The following EPHA6 variants were observed in gnomAD, a reference collection of about 807,000 sequenced individuals.
EPHA6 encodes ephrin type-A receptor 6.
In EPHA6, 50 loss-of-function variants were observed where a neutral mutation model predicts 112.0. The ratio of observed to expected loss-of-function variants is 0.45; its 90% CI spans 0.36 to 0.56. The LOEUF is 0.56. Among genes scored for constraint, EPHA6 ranks in the 20% least tolerant of loss-of-function variants. EPHA6 has a pLI of 0.00. For synonymous variants in EPHA6, 529 were observed against 490.7 expected (o/e 1.08, Z -1.03); for missense variants, 1,280 against 1,417.4 (o/e 0.90, Z 1.56).
At chr3:97,355,093 A>C (rs75510706) in intron 5 of EPHA6, among the ~76,000 whole-genome samples, 1 of 152,194 alleles carries the variant, frequency 6.6e-6, no homozygotes, top group Admixed American at 6.5e-5. Context: ...TCAGCACCAG[A>C]ACTGTCCTAC....
At chr3:97,028,871 T>A (rs1240279946) in intron 3 of EPHA6, among the ~76,000 whole-genome samples, 4 of 151,990 alleles carry the variant, frequency 2.6e-5, no homozygotes, top group Admixed American at 2.6e-4. Flanking sequence ...ATCTGTTAAA[T>A]GTTTTTAAGT....
chr3:96,910,115 C>T (rs2039141342), intron 2 of EPHA6, among the ~76,000 whole-genome samples: 1 of 151,942 alleles, frequency 6.6e-6, no homozygotes, highest in Non-Finnish European at 1.5e-5. Flanking sequence ...CATAAATGTA[C>T]TAGGTGTGCC....
chr3:97,515,827 C>T lies in EPHA6; in HGVS notation c.2201-16531C>T, dbSNP rs2092439339. ...TAGTGGAAAAGAATAAAAACTTGTT[C>T]AAAAGGAAAAATAAGCTATCTAATG... On this transcript the variant is annotated intron_variant, in intron 10 of 17. Transcript: ENST00000389672. 2.7e-5 allele frequency among the ~76,000 whole-genome samples: 4 copies of T among 150,600 alleles called. No homozygotes were observed. In the South Asian group the frequency reaches 8.4e-4, roughly 32 times the overall value.
chr3:97,543,313 G>T (rs1034990704), intron 11 of EPHA6, among the ~76,000 whole-genome samples: 1 of 152,222 alleles, frequency 6.6e-6, no homozygotes, highest in East Asian at 1.9e-4. Context: ...TTCTACATAT[G>T]GCTAGCCAGT....
Position 97,590,100 on chromosome 3 carries a change from G to A in EPHA6, c.2387-2512G>A, listed in dbSNP as rs2093529169. ...TACTTTAGTGTTTCATGCAATCTCTGTTGATATAACTGACCTTAAGGAGAA... is the reference window on the plus strand; with the variant it reads ...TACTTTAGTGTTTCATGCAATCTCTATTGATATAACTGACCTTAAGGAGAA... On this transcript the variant is annotated intron_variant, in intron 11 of 17. Transcript: ENST00000389672. 1.3e-5 allele frequency: 2 copies of A among 152,104 alleles called. 1 individual carries two copies. The highest frequency in any genetic ancestry group is 4.1e-4 in the South Asian group (2 of 4,826). 9.4% of individuals were successfully genotyped at this position (152,104 alleles called of 1,614,324 possible).
chr3:97,518,961 G>T (rs1267484909), intron 10 of EPHA6, among the ~76,000 whole-genome samples: 1 of 152,122 alleles, frequency 6.6e-6, no homozygotes, highest in East Asian at 1.9e-4. Context: ...TCTTCACTCT[G>T]TTGATTGTTT....
At position 97,226,259 on chromosome 3, in the gene EPHA6, T is replaced by C; in HGVS notation, c.1115-5T>C. ...CTAAAAAAGTGTTTTTTTCTCTTTT[T>C]ACAGCTTGCAGACCAGGATTCTATA... On this transcript the variant is annotated splice_region_variant and splice_polypyrimidine_tract_variant and intron_variant, in intron 3 of 17. Coordinates refer to ENST00000389672, the MANE Select transcript of EPHA6 (RefSeq NM_001080448.3). 4.4e-6 allele frequency: 7 copies of C among 1,590,672 alleles called. No homozygotes were observed. The highest frequency in any genetic ancestry group is 6.0e-6 in the Non-Finnish European group (7 of 1,171,006).
chr3:97,392,840 A>G (rs1180503583), intron 5 of EPHA6, among the ~76,000 whole-genome samples: 3 of 150,568 alleles, frequency 2.0e-5, no homozygotes, highest in Non-Finnish European at 4.4e-5. Context: ...TTTTTTCTGT[A>G]CTTGGAACAT....
chr3:96,881,951 G>A (rs1211913935), intron 2 of EPHA6, among the ~76,000 whole-genome samples: 2 of 152,184 alleles, frequency 1.3e-5, no homozygotes, highest in Non-Finnish European at 2.9e-5. Context: ...TGTAAGAGGT[G>A]GGTTCCTGTG....
intron 14 of EPHA6, among the ~76,000 whole-genome samples, chr3:97,714,976 A>G (rs916451502): frequency 2.6e-5 from 4 of 152,246 alleles, no homozygotes; most frequent in African/African-American, 9.6e-5. Context: ...GAAAAAGTCA[A>G]ACCTTGGTTT....
intron 1 of EPHA6, among the ~76,000 whole-genome samples, chr3:96,854,674 A>G (rs2035592960): frequency 6.6e-6 from 1 of 152,116 alleles, no homozygotes; most frequent in Admixed American, 6.6e-5. Context: ...TGTAAATGAG[A>G]AGAAGAAATT....
intron 13 of EPHA6, among the ~76,000 whole-genome samples, chr3:97,614,745 C>G (rs1412900604): frequency 6.6e-6 from 1 of 151,800 alleles, no homozygotes; most frequent in African/African-American, 2.4e-5. Context: ...ATAAAGAAAG[C>G]AAGAAGGATT....
chr3:97,497,177 A>G (rs2092002460), intron 10 of EPHA6, among the ~76,000 whole-genome samples: 1 of 152,162 alleles, frequency 6.6e-6, no homozygotes, highest in South Asian at 2.1e-4. Flanking sequence ...GCCAATCATG[A>G]TCTGTTCTGG....
chr3:97,034,153 T>G (rs554413220), intron 3 of EPHA6, among the ~76,000 whole-genome samples: 5 of 152,054 alleles, frequency 3.3e-5, no homozygotes, highest in Non-Finnish European at 7.4e-5. Flanking sequence ...CTTGACAAGG[T>G]TGTATTTAAG....
At chr3:96,856,843 G>T (rs1183955768) in intron 1 of EPHA6, among the ~76,000 whole-genome samples, 1 of 152,050 alleles carries the variant, frequency 6.6e-6, no homozygotes, top group East Asian at 1.9e-4. Flanking sequence ...GAGGTTCCCT[G>T]GGGAGACAAA....
intron 10 of EPHA6, among the ~76,000 whole-genome samples, chr3:97,528,420 C>T (rs2092653311): frequency 6.6e-6 from 1 of 151,962 alleles, no homozygotes; most frequent in Non-Finnish European, 1.5e-5. Context: ...TAATAAGGAG[C>T]CATACACATA....
rs537217966 is a variant in EPHA6, at chr3:97,475,517, C to T, written c.2003+57C>T. ...TTTATGAATAACCACTCTTTTTATA[C>T]ATTGTGTATTCAAATGCTTTTAGAT... On this transcript the variant is annotated intron_variant, in intron 8 of 17. Transcript: ENST00000389672. The T allele has an allele frequency of 1.6e-5, 20 of 1,235,124 alleles. No individual in the cohort carries two copies. The South Asian group carries it at 2.2e-4, about 14-fold the overall frequency. The allele number at this position is 1,235,124 out of a possible 1,614,324, so 76.5% of individuals were successfully genotyped here.
At chr3:97,695,586 G>A (rs762696361) in intron 14 of EPHA6, among the ~76,000 whole-genome samples, 1 of 152,092 alleles carries the variant, frequency 6.6e-6, no homozygotes, top group Non-Finnish European at 1.5e-5. Flanking sequence ...CTGTCACCAG[G>A]CCCGAATGCA....
At chr3:97,058,758 T>C (rs2045930261) in intron 3 of EPHA6, among the ~76,000 whole-genome samples, 1 of 152,212 alleles carries the variant, frequency 6.6e-6, no homozygotes, top group African/African-American at 2.4e-5. Context: ...TATATAAAGA[T>C]CCGTGAATCA....
Sources: gnomAD v4.1 joint callset for allele counts (sites outside exome capture counted in the v4.1 genomes callset) on GRCh38, gnomAD v4.1.1 for gene constraint, MANE v1.5 for transcripts, NCBI Gene and HGNC (gene_info 2026-07-23, HGNC 2026-07-21) for gene names.